Variants in PRKG1 observed in about 807,000 individuals in gnomAD.
PRKG1 encodes the protein cGMP-dependent protein kinase 1.
A neutral mutation model predicts 88.1 loss-of-function variants in PRKG1; 35 were observed. The ratio of observed to expected loss-of-function variants is 0.40; its 90% confidence interval spans 0.30 to 0.53. The LOEUF (loss-of-function observed/expected upper bound fraction) is 0.53. Among genes scored for constraint, PRKG1 ranks in the 20% least tolerant of loss-of-function variants. The pLI is 0.59. For missense variants in PRKG1, 540 were observed against 839.8 expected (o/e 0.64, Z 4.41); for synonymous variants, 303 against 292.5 (o/e 1.04, Z -0.37).
At chr10:52,203,796 G>A (rs181022297) in intron 9 of PRKG1, among the ~76,000 whole-genome samples, 78 of 152,178 alleles carry the variant, frequency 5.1e-4, no homozygotes, top group African/African-American at 3.9e-4. Flanking sequence ...TATCATTGTC[G>A]GATTAAAGTC....
chr10:51,936,587 C>A (rs1842804650), intron 5 of PRKG1, among the ~76,000 whole-genome samples: 1 of 151,960 alleles, frequency 6.6e-6, no homozygotes, highest in African/African-American at 2.4e-5. Flanking sequence ...AAAAATCTCC[C>A]ATTTCTTGCA....
chr10:51,623,147 T>C (rs1358640579), intron 3 of PRKG1, among the ~76,000 whole-genome samples: 2 of 152,236 alleles, frequency 1.3e-5, no homozygotes, highest in Non-Finnish European at 2.9e-5. Flanking sequence ...TAAAGCTATG[T>C]GGGGACAGAG....
At chr10:51,495,125 C>T (rs566281620) in intron 3 of PRKG1, among the ~76,000 whole-genome samples, 4 of 151,978 alleles carry the variant, frequency 2.6e-5, no homozygotes, top group South Asian at 2.1e-4. Context: ...GACAGAGTCT[C>T]GCTCTGTCAC....
chr10:51,476,669 C>T (rs946981387), intron 3 of PRKG1, among the ~76,000 whole-genome samples: 1 of 151,896 alleles, frequency 6.6e-6, no homozygotes, highest in Non-Finnish European at 1.5e-5. Context: ...GTTTATGAAG[C>T]TTATAAGAAC....
intron 3 of PRKG1, among the ~76,000 whole-genome samples, chr10:51,507,362 G>A (rs1311686300): frequency 6.6e-6 from 1 of 151,768 alleles, no homozygotes; most frequent in Admixed American, 6.6e-5. Flanking sequence ...AGATATGTCA[G>A]GTCTTTTTCT....
intron 3 of PRKG1, among the ~76,000 whole-genome samples, chr10:51,544,686 T>C (rs1842402851): frequency 6.6e-6 from 1 of 152,112 alleles, no homozygotes; most frequent in Admixed American, 6.6e-5. Flanking sequence ...TGTAAAAGTG[T>C]TCCTATTTCT....
At chr10:51,511,029 G>C (rs1451887271) in intron 3 of PRKG1, among the ~76,000 whole-genome samples, 1 of 151,908 alleles carries the variant, frequency 6.6e-6, no homozygotes, top group Non-Finnish European at 1.5e-5. Context: ...TGGGATTACA[G>C]GCGTGAGCCG....
chr10:51,392,371 A>T (rs893063718), intron 2 of PRKG1, among the ~76,000 whole-genome samples: 1 of 152,048 alleles, frequency 6.6e-6, no homozygotes, highest in Non-Finnish European at 1.5e-5. Context: ...TGTTTAACAA[A>T]GCACATCTTG....
At chr10:52,233,195 AAAGAG>A (rs906477714) in intron 9 of PRKG1, among the ~76,000 whole-genome samples, 13 of 151,996 alleles carry the variant, frequency 8.6e-5, no homozygotes, top group South Asian at 4.2e-4. Context: ...AAAAAAAAAA[AAAGAG>A]AGAGAGAGAG....
At chr10:51,697,908 T>C in intron 3 of PRKG1, 6 of 1,601,822 alleles carry the variant, frequency 3.7e-6, no homozygotes, top group Non-Finnish European at 5.1e-6. Context: ...GCCCCCTGTA[T>C]ACCTCCTCCT....
At chr10:52,247,185 T>C (rs1220522311) in intron 9 of PRKG1, among the ~76,000 whole-genome samples, 1 of 152,098 alleles carries the variant, frequency 6.6e-6, no homozygotes, top group Non-Finnish European at 1.5e-5. Flanking sequence ...ACAATAATAA[T>C]TTTTTTAAAA....
At chr10:51,872,889 G>C (rs1281696342) in intron 4 of PRKG1, among the ~76,000 whole-genome samples, 3 of 151,946 alleles carry the variant, frequency 2.0e-5, no homozygotes, top group Admixed American at 2.0e-4. Context: ...TCAGAGCCTA[G>C]TTCTATGATT....
chr10:52,274,921 C>G (rs1841833712), intron 12 of PRKG1, among the ~76,000 whole-genome samples: 1 of 152,018 alleles, frequency 6.6e-6, no homozygotes, highest in Admixed American at 6.6e-5. Context: ...ATTTGCATTC[C>G]CCTGACCATT....
intron 7 of PRKG1, among the ~76,000 whole-genome samples, chr10:52,108,691 T>A (rs1847481982): frequency 6.6e-6 from 1 of 152,156 alleles, no homozygotes; most frequent in Non-Finnish European, 1.5e-5. Flanking sequence ...ATTCTGTTAT[T>A]ACAAAAAAAC....
At chr10:51,089,644 T>C (rs1316455507) in intron 1 of PRKG1, among the ~76,000 whole-genome samples, 11 of 152,206 alleles carry the variant, frequency 7.2e-5, no homozygotes, top group Admixed American at 6.5e-4. Flanking sequence ...TCTGAAGTTA[T>C]TTTTCTAGGT....
At chr10:51,280,107 GGATTTTATTT>G (rs1840251046) in intron 2 of PRKG1, among the ~76,000 whole-genome samples, 1 of 152,144 alleles carries the variant, frequency 6.6e-6, no homozygotes, top group African/African-American at 2.4e-5. Context: ...TGTCTGTAAA[GGATTTTATTT>G]CTCCTTCACT....
At chr10:51,583,748 A>G (rs937191521) in intron 3 of PRKG1, among the ~76,000 whole-genome samples, 1 of 152,098 alleles carries the variant, frequency 6.6e-6, no homozygotes, top group Admixed American at 6.6e-5. Context: ...TGTGAGTAGG[A>G]TGAATTATAC....
intron 9 of PRKG1, among the ~76,000 whole-genome samples, chr10:52,224,818 T>C (rs1397793190): frequency 1.5e-5 from 2 of 132,892 alleles, no homozygotes; most frequent in African/African-American, 5.6e-5. Context: ...CATATATATA[T>C]ATATATATAT....
intron 1 of PRKG1, among the ~76,000 whole-genome samples, chr10:51,031,203 G>T (rs1843278235): frequency 6.6e-6 from 1 of 152,084 alleles, no homozygotes; most frequent in South Asian, 2.1e-4. Flanking sequence ...GTGGTAGATT[G>T]GAATTCACAG....
Sources: allele counts gnomAD v4.1 joint callset (sites outside exome capture counted in the v4.1 genomes callset), GRCh38; gene constraint gnomAD v4.1.1; transcripts MANE v1.5; gene names NCBI Gene and HGNC (gene_info 2026-07-23, HGNC 2026-07-21).